HSD17B12: variants seen among roughly 807,000 people sequenced by gnomAD.
HSD17B12 encodes the protein very-long-chain 3-oxoacyl-CoA reductase.
HSD17B12 carries 32 observed loss-of-function variants against 39.3 expected under a neutral mutation model. The ratio of observed to expected loss-of-function variants is 0.81; its 90% CI spans 0.61 to 1.09. HSD17B12 has a LOEUF of 1.09. HSD17B12 is among the 50% of genes least tolerant of loss of function. The probability of loss-of-function intolerance (pLI) is 0.00; values close to 1 mark genes in which losing one functional copy is unlikely to be tolerated. For missense variants in HSD17B12, 342 were observed against 382.9 expected (o/e 0.89, Z 0.89); for synonymous variants, 150 against 146.7 (o/e 1.02, Z -0.16).
chr11:43,696,150 C>T (rs1447305596), intron 1 of HSD17B12, among the ~76,000 whole-genome samples: 1 of 152,108 alleles, frequency 6.6e-6, no homozygotes, highest in Non-Finnish European at 1.5e-5. Flanking sequence ...CCTCTAGTTC[C>T]ATCCATGTTC....
intron 1 of HSD17B12, among the ~76,000 whole-genome samples, chr11:43,712,187 G>A (rs1950073167): frequency 6.6e-6 from 1 of 152,156 alleles, no homozygotes; most frequent in South Asian, 2.1e-4. Flanking sequence ...CCAGGACTTT[G>A]GGAGGCGGAG....
chr11:43,754,738 C>A (rs796123516), intron 3 of HSD17B12: 36 of 531,166 alleles, frequency 6.8e-5, no homozygotes, highest in African/African-American at 5.6e-4. Flanking sequence ...GCTGTGACTT[C>A]ATTTCAGTAT....
intron 6 of HSD17B12, among the ~76,000 whole-genome samples, chr11:43,826,294 A>T (rs1235057175): frequency 1.3e-5 from 2 of 152,012 alleles, no homozygotes; most frequent in African/African-American, 2.4e-5. Flanking sequence ...CGTGTTAGCC[A>T]GGATGGTCTC....
At chr11:43,647,566 A>G in the HSD17B12 span, among the ~76,000 whole-genome samples, 6 of 151,728 alleles carry the variant, frequency 4.0e-5, no homozygotes, top group Non-Finnish European at 7.4e-5. Flanking sequence ...GCCACCACAC[A>G]TGACCCTAAG....
intron 1 of HSD17B12, among the ~76,000 whole-genome samples, chr11:43,713,298 G>T (rs1478813963): frequency 1.8e-5 from 2 of 112,890 alleles, no homozygotes; most frequent in South Asian, 2.7e-4. Flanking sequence ...CCTACAACAG[G>T]CCCCAGTGTG....
intron 1 of HSD17B12, among the ~76,000 whole-genome samples, chr11:43,705,841 A>G (rs933140757): frequency 7.4e-6 from 1 of 134,532 alleles, no homozygotes; most frequent in Non-Finnish European, 1.5e-5. Context: ...TGCTCACTGC[A>G]GTCTTCACCT....
intron 4 of HSD17B12, among the ~76,000 whole-genome samples, chr11:43,815,046 T>C (rs10742689): frequency 0.64 from 96,778 of 152,020 alleles, 31,258 homozygotes; most frequent in East Asian, 0.71. Context: ...ACTCAAGTTT[T>C]CAGTATCCTG....
At chr11:43,814,702 C>T (rs1951104727) in intron 4 of HSD17B12, among the ~76,000 whole-genome samples, 1 of 152,090 alleles carries the variant, frequency 6.6e-6, no homozygotes, top group Admixed American at 6.6e-5. Context: ...TTATTGGAGA[C>T]ATTTAGTCTG....
the HSD17B12 span, among the ~76,000 whole-genome samples, chr11:43,592,901 A>G: frequency 6.6e-6 from 1 of 152,060 alleles, no homozygotes; most frequent in Non-Finnish European, 1.5e-5. Context: ...ATTTACTGAG[A>G]AGAGAGGAGA....
chr11:43,824,684 G>A (rs773928408), intron 6 of HSD17B12, among the ~76,000 whole-genome samples: 4 of 152,160 alleles, frequency 2.6e-5, no homozygotes, highest in African/African-American at 4.8e-5. Flanking sequence ...TGGGGATTAG[G>A]TTTGAACATA....
chr11:43,714,171 T>C (rs544554809), intron 1 of HSD17B12, among the ~76,000 whole-genome samples: 10 of 152,338 alleles, frequency 6.6e-5, no homozygotes, highest in African/African-American at 1.9e-4. Flanking sequence ...CCATTGCTTT[T>C]TGTGTTTTAG....
intron 6 of HSD17B12, among the ~76,000 whole-genome samples, chr11:43,818,915 T>C (rs950672988): frequency 6.6e-6 from 1 of 152,192 alleles, no homozygotes; most frequent in African/African-American, 2.4e-5. Flanking sequence ...ATCAAAAATA[T>C]CACTTTTAGT....
At chr11:43,619,545 A>G in the HSD17B12 span, among the ~76,000 whole-genome samples, 1 of 151,438 alleles carries the variant, frequency 6.6e-6, no homozygotes, top group Non-Finnish European at 1.5e-5. Flanking sequence ...ACCTGACACC[A>G]AGGCTGGCTA....
At chr11:43,635,236 A>C in the HSD17B12 span, among the ~76,000 whole-genome samples, 8 of 152,212 alleles carry the variant, frequency 5.3e-5, no homozygotes, top group African/African-American at 1.9e-4. Context: ...GTAATGTTAA[A>C]AAATACCACA....
the HSD17B12 span, among the ~76,000 whole-genome samples, chr11:43,624,491 A>G: frequency 5.9e-5 from 9 of 151,896 alleles, no homozygotes; most frequent in African/African-American, 2.2e-4. Flanking sequence ...CTTGCAGTTC[A>G]GTTCACATGG....
intron 6 of HSD17B12, among the ~76,000 whole-genome samples, chr11:43,822,373 T>C (rs1951191538): frequency 1.3e-5 from 2 of 152,196 alleles, no homozygotes; most frequent in African/African-American, 4.8e-5. Flanking sequence ...AGGGTACATG[T>C]GCACAACTTG....
intron 1 of HSD17B12, among the ~76,000 whole-genome samples, chr11:43,702,764 C>T (rs1320846696): frequency 6.6e-6 from 1 of 151,898 alleles, no homozygotes; most frequent in African/African-American, 2.4e-5. Flanking sequence ...GAATTGTGGC[C>T]CAACACAAAT....
intron 1 of HSD17B12, among the ~76,000 whole-genome samples, chr11:43,702,353 T>G (rs1030801659): frequency 6.6e-6 from 1 of 152,190 alleles, no homozygotes; most frequent in African/African-American, 2.4e-5. Context: ...TAGCTAGGAC[T>G]TCCAGTACTA....
chr11:43,823,212 C>T (rs1022384838), intron 6 of HSD17B12, among the ~76,000 whole-genome samples: 1 of 151,916 alleles, frequency 6.6e-6, no homozygotes, highest in Non-Finnish European at 1.5e-5. Flanking sequence ...CATGCGCCCA[C>T]TGCATGTCTT....
Sources: allele counts gnomAD v4.1 joint callset (sites outside exome capture counted in the v4.1 genomes callset), GRCh38; gene constraint gnomAD v4.1.1; transcripts MANE v1.5; gene names NCBI Gene and HGNC (gene_info 2026-07-23, HGNC 2026-07-21).